The following RIPPLY3 variants were observed in gnomAD, a reference collection of about 807,000 sequenced individuals.
RIPPLY3 encodes ripply transcriptional repressor 3, also known as protein ripply3.
In RIPPLY3, 8 loss-of-function variants were observed where a neutral mutation model predicts 11.9. That is an observed-to-expected ratio of 0.67 (90% CI 0.40 to 1.21). The LOEUF (loss-of-function observed/expected upper bound fraction) is 1.21. RIPPLY3 is among the 50% of genes most tolerant of loss of function. RIPPLY3 has a pLI of 0.01. For missense variants in RIPPLY3, 271 were observed against 246.0 expected, an observed-to-expected ratio of 1.10 and a Z score of -0.68; for synonymous variants, 102 against 99.0, an observed-to-expected ratio of 1.03 and a Z score of -0.18.
At chr21:37,013,280 T>C (rs1025478706) in intron 2 of RIPPLY3, among the ~76,000 whole-genome samples, 10 of 152,214 alleles carry the variant, frequency 6.6e-5, no homozygotes, top group Non-Finnish European at 1.2e-4. Context: ...TTAGCATACA[T>C]GTGCGTCTCT....
At chr21:37,015,895 T>TC (rs2069573324) in intron 3 of RIPPLY3, among the ~76,000 whole-genome samples, 1 of 143,460 alleles carries the variant, frequency 7.0e-6, no homozygotes, top group Non-Finnish European at 1.5e-5. Flanking sequence ...TTTTTTTTTT[T>TC]CAGATATGGG....
At chr21:37,006,622 C>T (rs1377032051), upstream of RIPPLY3, 1 of 407,716 alleles carries the variant, frequency 2.5e-6, no homozygotes, top group Non-Finnish European at 4.1e-6. The surrounding 1 kb of genome is among the most constrained non-coding windows in gnomAD (Gnocchi z 5.2). Flanking sequence ...CACGGAGCTC[C>T]TCGGGTCCTG....
chr21:37,008,009 A>G, intron 1 of RIPPLY3, 148 bp from the exon 2 acceptor site: 1 of 631,196 alleles, frequency 1.6e-6, no homozygotes, highest in Non-Finnish European at 2.7e-6. Context: ...TAATTTATCC[A>G]CAGCCCTGAG....
Position 37,008,165 on chromosome 21 carries a change from C to T in RIPPLY3, c.113C>T (p.Pro38Leu), listed in dbSNP as rs999806732. The change falls in exon 2 of 4, where the codon CCG becomes CTG. Residue 38 changes from proline (P) to leucine (L), a missense_variant. By Grantham distance (98) the Pro-to-Leu change is moderately conservative. Coordinates refer to ENST00000329553, the MANE Select transcript of RIPPLY3 (RefSeq NM_018962.3). The stretch of plus-strand genomic sequence containing the variant: ...GGCGCTTGCCGTTCCAGCCCCGCGC[C>T]GTGGCGACCTTGGATCCAGACACCT... The part of the protein sequence containing the change: ...PPPRGPESPA[P>L]WRPWIQTPGD... 12 of 1,614,006 alleles carry T rather than the reference C, an allele frequency of 7.4e-6. No homozygotes were observed. The African/African-American group carries it at 9.3e-5, about 13-fold the overall frequency.
intron 3 of RIPPLY3, among the ~76,000 whole-genome samples, chr21:37,015,146 TTTTTTGTTTTG>T (rs2069565250): frequency 6.6e-6 from 1 of 151,804 alleles, no homozygotes; most frequent in East Asian, 1.9e-4. Context: ...CATGCATCTG[TTTTTTGTTTTG>T]TTTTTGTTTT....
intron 3 of RIPPLY3, among the ~76,000 whole-genome samples, chr21:37,013,833 A>G (rs2069551281): frequency 6.6e-6 from 1 of 152,164 alleles, no homozygotes; most frequent in African/African-American, 2.4e-5. Context: ...ACAAAGTGCA[A>G]TTGGCCTCTC....
At chr21:37,010,909 G>A (rs780326592) in intron 2 of RIPPLY3, among the ~76,000 whole-genome samples, 1 of 152,136 alleles carries the variant, frequency 6.6e-6, no homozygotes, top group Non-Finnish European at 1.5e-5. Flanking sequence ...CTGTTCTCGT[G>A]TTTCATTATA....
intron 2 of RIPPLY3, among the ~76,000 whole-genome samples, chr21:37,009,390 T>C (rs552137128): frequency 7.9e-5 from 12 of 152,334 alleles, no homozygotes; most frequent in African/African-American, 2.9e-4. Context: ...TCACCGTATT[T>C]TGATATTTAC....
chr21:37,011,019 C>A (rs1378307705), intron 2 of RIPPLY3, among the ~76,000 whole-genome samples: 2 of 151,582 alleles, frequency 1.3e-5, no homozygotes, highest in African/African-American at 4.8e-5. Flanking sequence ...CGGAGTTTCG[C>A]TCTTGTCGCC....
intron 2 of RIPPLY3, among the ~76,000 whole-genome samples, chr21:37,008,988 A>G (rs1312054558): frequency 6.6e-6 from 1 of 151,502 alleles, no homozygotes; most frequent in Non-Finnish European, 1.5e-5. Context: ...AAAAGCCCCC[A>G]CCCCGCGTCT....
At chr21:37,012,212 TTTATTATTATTA>T (rs35315761) in intron 2 of RIPPLY3, among the ~76,000 whole-genome samples, 37 of 132,510 alleles carry the variant, frequency 2.8e-4, no homozygotes, top group East Asian at 9.3e-4. Flanking sequence ...CCGCTCCTTA[TTTATTATTATTA>T]TTATTATTAT....
chr21:37,018,077 CA>C lies in RIPPLY3; in HGVS notation c.444del (p.Gly150GlufsTer72). Reference sequence around the variant, plus strand: ...GTGGGAGGTCGGCAGGAAAATGGCCCAGGGGGAAAGGGCAGAGACCAGGGCA... The same window carrying C: ...GTGGGAGGTCGGCAGGAAAATGGCCCGGGGGAAAGGGCAGAGACCAGGGCA... ...QEVGGRQENG[P>X]GGKGRDQGIN... On this transcript the variant is annotated frameshift_variant, in exon 4 of 4. Transcript: ENST00000329553. LOFTEE classifies it low-confidence loss of function (END_TRUNC). 4.3e-6 allele frequency: 7 copies of C among 1,614,116 alleles called. No homozygotes were observed. In the East Asian group the frequency reaches 6.7e-5, roughly 15 times the overall value.
Position 37,006,732 on chromosome 21 carries a change from A to G in RIPPLY3, c.-41A>G. ...CCCGAGTGGATCTAGGCGCGCTCGT[A>G]GGCCGGCGCCGCAGCAAGGGGCGCG... On this transcript the variant is annotated 5_prime_UTR_variant, in exon 1 of 4. Coordinates refer to ENST00000329553, the MANE Select transcript of RIPPLY3 (RefSeq NM_018962.3). This position sits in a 1 kb window ranked among gnomAD's most constrained non-coding sequence, Gnocchi z 5.2. The G allele has an allele frequency of 8.5e-7, 1 of 1,182,652 alleles. No individual in the cohort carries two copies. Among genetic ancestry groups the G allele is most frequent in the Non-Finnish European group, 1.1e-6 (1 of 944,966 alleles). The allele number at this position is 1,182,652 out of a possible 1,614,324, so 73.3% of individuals were successfully genotyped here. A position where few individuals can be genotyped will look rare whatever the true frequency, so the allele number is the denominator to read the frequency against.
intron 3 of RIPPLY3, among the ~76,000 whole-genome samples, chr21:37,015,411 G>A (rs778454747): frequency 6.6e-6 from 1 of 152,104 alleles, no homozygotes; most frequent in Admixed American, 6.6e-5. Flanking sequence ...TAATCCACCC[G>A]CCTTGGCCTT....
At chr21:37,016,922 G>A (rs190040288) in intron 3 of RIPPLY3, among the ~76,000 whole-genome samples, 43 of 152,182 alleles carry the variant, frequency 2.8e-4, no homozygotes, top group African/African-American at 7.9e-4. Flanking sequence ...GTTGGAGGCC[G>A]AGCTGGGCGA....
chr21:37,006,584 C>G, upstream of RIPPLY3: 1 of 368,634 alleles, frequency 2.7e-6, no homozygotes, highest in Non-Finnish European at 4.8e-6. The surrounding 1 kb of genome is among the most constrained non-coding windows in gnomAD (Gnocchi z 5.2). Context: ...GCTTTTCCTT[C>G]GTACCCTGCG....
chr21:37,017,769 A>G, intron 3 of RIPPLY3, 105 bp from the exon 4 acceptor site: 1 of 897,630 alleles, frequency 1.1e-6, no homozygotes, highest in Non-Finnish European at 1.7e-6. Context: ...AAAGACCAGA[A>G]AGGAAGACTG....
Position 37,008,230 on chromosome 21 carries a change from T to G in RIPPLY3, c.171+7T>G, listed in dbSNP as rs773692440. On this transcript the variant is annotated splice_region_variant and intron_variant, in intron 2 of 3. Coordinates refer to ENST00000329553, the MANE Select transcript of RIPPLY3 (RefSeq NM_018962.3). ...GACCAGAACTGGAAGGCCGGTAAGG[T>G]TCAGTGCGGGCGTTGTAGGTAACCC... 2 of 1,613,960 alleles carry G rather than the reference T, an allele frequency of 1.2e-6. No individual in the cohort carries two copies. Among genetic ancestry groups the G allele is most frequent in the East Asian group, 4.5e-5 (2 of 44,862 alleles).
chr21:37,009,264 C>G (rs1038455904), intron 2 of RIPPLY3, among the ~76,000 whole-genome samples: 3 of 150,418 alleles, frequency 2.0e-5, no homozygotes, highest in Non-Finnish European at 4.4e-5. Context: ...TCTTAAAACA[C>G]TGAAGAATTA....
Sources: allele counts gnomAD v4.1 joint callset (sites outside exome capture counted in the v4.1 genomes callset), GRCh38; gene constraint gnomAD v4.1.1; non-coding constraint Gnocchi (gnomAD v3.1); transcripts MANE v1.5; gene names NCBI Gene and HGNC (gene_info 2026-07-23, HGNC 2026-07-21).